The following CSE1L variants were observed in gnomAD, a reference collection of about 807,000 sequenced individuals.
CSE1L encodes the protein exportin-2.
In CSE1L, 24 loss-of-function variants were observed where a neutral mutation model predicts 120.4. The observed-to-expected ratio is 0.20, with a 90% confidence interval of 0.14 to 0.28. The LOEUF is 0.28. Ranked by LOEUF, CSE1L falls within the 10% of genes least tolerant of loss-of-function variation. CSE1L has a pLI of 1.00. For missense variants in CSE1L, 830 were observed against 1,145.2 expected (o/e 0.72, Z 3.97); for synonymous variants, 402 against 398.3 (o/e 1.01, Z -0.11).
Position 49,095,187 on chromosome 20 carries a change from AAGG to A in CSE1L, c.2826+229_2826+231del, listed in dbSNP as rs892654975. ...GTGAATGGATTTAGGAGTGAGAACAAAGGAGGAAAAATCCCTTCAATAGAAATG... is the reference window on the plus strand; with the variant it reads ...GTGAATGGATTTAGGAGTGAGAACAAAGGAAAAATCCCTTCAATAGAAATG... On this transcript the variant is annotated intron_variant, in intron 24 of 24. Coordinates refer to ENST00000262982, the MANE Select transcript of CSE1L (RefSeq NM_001316.4). The A allele has an allele frequency of 1.8e-5, 12 of 657,632 alleles. No homozygotes were observed. The Admixed American group carries it at 2.5e-4, about 14-fold the overall frequency. The allele number at this position is 657,632 out of a possible 1,614,324, so 40.7% of individuals were successfully genotyped here. A position where few individuals can be genotyped will look rare whatever the true frequency, so the allele number is the denominator to read the frequency against.
chr20:49,072,526 T>A lies in CSE1L; in HGVS notation c.937-42T>A, dbSNP rs897089715. 5 of 1,603,126 alleles carry A rather than the reference T, an allele frequency of 3.1e-6. No individual in the cohort carries two copies. The African/African-American group carries it at 5.4e-5, about 17-fold the overall frequency. Reference sequence around the variant, plus strand: ...CTCCTCCAAGAAATAAGCTGTTGAGTTTTGCTTTTAAAAATATTCTTGTTT... The same window carrying A: ...CTCCTCCAAGAAATAAGCTGTTGAGATTTGCTTTTAAAAATATTCTTGTTT... On this transcript the variant is annotated intron_variant, in intron 9 of 24. Transcript: ENST00000262982.
chr20:49,058,571 G>C, intron 2 of CSE1L, 23 bp downstream of exon 2: 1 of 1,588,978 alleles, frequency 6.3e-7, no homozygotes, highest in Non-Finnish European at 8.6e-7. Context: ...AACGTTTTTT[G>C]GTTGATTAAT....
At position 49,076,960 on chromosome 20, in the gene CSE1L, G is replaced by T; in HGVS notation, c.1336-20G>T. 2 of 1,529,662 alleles carry T rather than the reference G, an allele frequency of 1.3e-6. No individual in the cohort carries two copies. Among genetic ancestry groups the T allele is most frequent in the Non-Finnish European group, 8.9e-7 (1 of 1,121,742 alleles). The allele number at this position is 1,529,662 out of a possible 1,614,324, so 94.8% of individuals were successfully genotyped here. On this transcript the variant is annotated intron_variant, in intron 12 of 24. Coordinates refer to ENST00000262982, the MANE Select transcript of CSE1L (RefSeq NM_001316.4). Reference sequence around the variant, plus strand: ...TACAGGTATTTTGTTATTTTACTATGTTATGAATTTGCTTTTCAGCATGGA... The same window carrying T: ...TACAGGTATTTTGTTATTTTACTATTTTATGAATTTGCTTTTCAGCATGGA...
At chr20:49,074,525 G>C (rs2091956373) in intron 10 of CSE1L, among the ~76,000 whole-genome samples, 1 of 152,096 alleles carries the variant, frequency 6.6e-6, no homozygotes, top group Non-Finnish European at 1.5e-5. Context: ...GACAGTTGCA[G>C]GTATAATCCA....
intron 1 of CSE1L, among the ~76,000 whole-genome samples, chr20:49,050,547 C>T (rs540078818): frequency 5.3e-5 from 8 of 151,408 alleles, no homozygotes; most frequent in African/African-American, 1.7e-4. Flanking sequence ...GGATTACAGG[C>T]GCATGCCACC....
At chr20:49,061,168 T>A (rs1395195046) in intron 2 of CSE1L, among the ~76,000 whole-genome samples, 9 of 50,268 alleles carry the variant, frequency 1.8e-4, no homozygotes, top group South Asian at 1.9e-3. Context: ...CTATTAAAAA[T>A]TTTTTTTTTT....
chr20:49,088,156 CTGTT>C (rs772592776), intron 17 of CSE1L, 50 bp downstream of exon 17: 5 of 1,247,624 alleles, frequency 4.0e-6, no homozygotes, highest in Non-Finnish European at 5.8e-6. Flanking sequence ...TTGCTCCAAA[CTGTT>C]TGGGCCTCAG....
At chr20:49,096,105 G>T in intron 24 of CSE1L, 1 of 663,868 alleles carries the variant, frequency 1.5e-6, no homozygotes, top group Non-Finnish European at 2.8e-6. Context: ...TAACCAGTAA[G>T]GACTTTTTAA....
Position 49,084,088 on chromosome 20 carries a change from T to C in CSE1L, c.1545T>C (p.Ser515=). ...PLLINHLQAE[S]IVVHTYAAHA... is the part of the protein sequence containing the mutation. Reference sequence around the variant, plus strand: ...TGATTAATCATCTTCAAGCTGAAAGTATTGTTGTTCATACTTACGCAGCTC... The same window carrying C: ...TGATTAATCATCTTCAAGCTGAAAGCATTGTTGTTCATACTTACGCAGCTC... The change falls in exon 15 of 25, where the codon AGT becomes AGC. Residue 515 remains serine (S), a synonymous_variant. Transcript: ENST00000262982. The C allele has an allele frequency of 6.2e-7, 1 of 1,614,082 alleles. No homozygotes were observed. Among genetic ancestry groups the C allele is most frequent in the Non-Finnish European group, 8.5e-7 (1 of 1,179,954 alleles).
rs1458950784 is a variant in CSE1L, at chr20:49,063,234, C to G, written c.118C>G (p.Gln40Glu). 1.3e-6 allele frequency: 2 copies of G among 1,586,906 alleles called. No individual in the cohort carries two copies. Among genetic ancestry groups the G allele is most frequent in the Non-Finnish European group, 1.7e-6 (2 of 1,171,254 alleles). Residue 40 changes from glutamine to glutamate, a missense_variant, in exon 3 of 25, where the codon CAG becomes GAG. Coordinates refer to ENST00000262982, the MANE Select transcript of CSE1L (RefSeq NM_001316.4). ...EKFLESVEGN[Q>E]NYPLLLLTLL... ...ATTTCTTGAATCTGTTGAAGGAAAT[C>G]AGAATTATCCACTGTTGCTTTTGAC... is the stretch of plus-strand genomic sequence containing the variant.
chr20:49,078,421 A>G, intron 13 of CSE1L, 140 bp from the exon 14 acceptor site: 2 of 572,578 alleles, frequency 3.5e-6, no homozygotes, highest in South Asian at 4.4e-5. Context: ...ATTAATGACT[A>G]AATAGTAAAT....
At chr20:49,071,749 T>G (rs1365885266) in intron 8 of CSE1L, among the ~76,000 whole-genome samples, 1 of 152,020 alleles carries the variant, frequency 6.6e-6, no homozygotes, top group Non-Finnish European at 1.5e-5. Flanking sequence ...TCCCAGCACT[T>G]TGGGAGGCCG....
chr20:49,083,512 A>G (rs2092030292), intron 14 of CSE1L, among the ~76,000 whole-genome samples: 2 of 151,988 alleles, frequency 1.3e-5, no homozygotes, highest in Admixed American at 1.3e-4. Context: ...CAATTGTTCT[A>G]CCTTGGCTTC....
chr20:49,051,270 G>A (rs1341229900), intron 1 of CSE1L, among the ~76,000 whole-genome samples: 1 of 152,258 alleles, frequency 6.6e-6, no homozygotes, highest in Admixed American at 6.5e-5. Flanking sequence ...TCCAGGCCGG[G>A]CACGGTGGCT....
intron 14 of CSE1L, among the ~76,000 whole-genome samples, chr20:49,079,228 A>AT (rs924389680): frequency 3.2e-4 from 46 of 142,836 alleles, no homozygotes; most frequent in African/African-American, 4.7e-4. Flanking sequence ...TTTAAAAAAA[A>AT]TTTTTTTTTA....
chr20:49,092,114 G>T lies in CSE1L; in HGVS notation c.2434G>T (p.Gly812Cys). 1 of 1,556,420 alleles carries T rather than the reference G, an allele frequency of 6.4e-7. No homozygotes were observed. Among genetic ancestry groups the T allele is most frequent in the South Asian group, 1.2e-5 (1 of 85,702 alleles). Residue 812 changes from glycine to cysteine, a missense_variant, in exon 22 of 25, where the codon GGT (glycine) becomes TGT (cysteine). Gly to Cys is a radical substitution (Grantham distance 159). Coordinates refer to ENST00000262982, the MANE Select transcript of CSE1L (RefSeq NM_001316.4). ...ACTAGCACTACAAGAAATATTTGAT[G>T]GTATACAACCAAAGTAAGTTTGTTT... The part of the protein sequence containing the change: ...GALALQEIFD[G>C]IQPKMFGMVL...
intron 10 of CSE1L, among the ~76,000 whole-genome samples, chr20:49,073,328 C>T (rs997566993): frequency 6.6e-6 from 1 of 152,062 alleles, no homozygotes; most frequent in Non-Finnish European, 1.5e-5. Flanking sequence ...TGTTTTTAAA[C>T]AATCGACTTG....
intron 1 of CSE1L, among the ~76,000 whole-genome samples, chr20:49,051,832 A>G (rs1165554425): frequency 3.9e-5 from 6 of 152,148 alleles, no homozygotes; most frequent in Admixed American, 2.0e-4. Context: ...AGAGCAGCTG[A>G]GACTACAAGT....
chr20:49,064,795 G>A (rs6019622), intron 3 of CSE1L, among the ~76,000 whole-genome samples: 3 of 151,032 alleles, frequency 2.0e-5, no homozygotes, highest in African/African-American at 7.3e-5. Flanking sequence ...TAAAACTAGT[G>A]AGACTTAACA....
Sources: gnomAD v4.1 joint callset for allele counts (sites outside exome capture counted in the v4.1 genomes callset) on GRCh38, gnomAD v4.1.1 for gene constraint, MANE v1.5 for transcripts, NCBI Gene and HGNC (gene_info 2026-07-23, HGNC 2026-07-21) for gene names.